The following EPS15 variants were observed in gnomAD, a reference collection of about 807,000 sequenced individuals.
EPS15 encodes the protein epidermal growth factor receptor pathway substrate 15.
In EPS15, 72 loss-of-function variants were observed where a neutral mutation model predicts 113.8. The observed-to-expected ratio is 0.63, with a 90% confidence interval of 0.52 to 0.77. The LOEUF (loss-of-function observed/expected upper bound fraction) is 0.77. Among genes scored for constraint, EPS15 ranks in the 30% least tolerant of loss-of-function variants. EPS15 has a pLI of 0.00. For synonymous variants in EPS15, 344 were observed against 363.4 expected, an observed-to-expected ratio of 0.95 and a Z score of 0.61; for missense variants, 1,048 against 1,045.8, an observed-to-expected ratio of 1.00 and a Z score of -0.03.
intron 2 of EPS15, among the ~76,000 whole-genome samples, chr1:51,475,519 T>A (rs1450935062): frequency 6.6e-6 from 1 of 152,188 alleles, no homozygotes; most frequent in Non-Finnish European, 1.5e-5. Flanking sequence ...TACTTTTTGA[T>A]GGGGTTGTTT....
In EPS15 at chr1:51,407,002, C is replaced by T. The variant is rs114526217; in HGVS notation, c.1474-894G>A. On this transcript the variant is annotated intron_variant, in intron 15 of 24. Coordinates refer to ENST00000371733, the MANE Select transcript of EPS15 (RefSeq NM_001981.3). ...TGCCAGATAACAGGGGGTAAGGAAG[C>T]GCAAAAGTGAAGGACTTCATTATAT... 2.8e-3 allele frequency among the ~76,000 whole-genome samples: 427 copies of T among 152,140 alleles called. 4 individuals are homozygous for T. Among genetic ancestry groups the T allele is most frequent in the African/African-American group, 9.8e-3 (406 of 41,498 alleles).
At chr1:51,518,515 A>T (rs958360286) in intron 1 of EPS15, 1 of 152,804 alleles carries the variant, frequency 6.5e-6, no homozygotes, top group Non-Finnish European at 1.5e-5. Flanking sequence ...TGGGGGTCTG[A>T]CCCAGAAGGA....
intron 2 of EPS15, among the ~76,000 whole-genome samples, chr1:51,473,516 G>C (rs72679110): frequency 0.022 from 3,332 of 152,154 alleles, 31 homozygotes; most frequent in Middle Eastern, 0.034. Flanking sequence ...AAACATATTA[G>C]GGAACATACC....
At chr1:51,374,968 G>A (rs1038970495) in intron 21 of EPS15, among the ~76,000 whole-genome samples, 5 of 146,160 alleles carry the variant, frequency 3.4e-5, no homozygotes, top group African/African-American at 7.6e-5. Context: ...AAGCCACCTC[G>A]CCCAGCCATA....
At chr1:51,472,303 T>C (rs1003953357) in intron 3 of EPS15, among the ~76,000 whole-genome samples, 1 of 152,250 alleles carries the variant, frequency 6.6e-6, no homozygotes, top group African/African-American at 2.4e-5. Flanking sequence ...AGAATGTACA[T>C]ACTATTCTTG....
intron 1 of EPS15, among the ~76,000 whole-genome samples, chr1:51,514,646 A>T (rs1570464370): frequency 6.6e-6 from 1 of 152,286 alleles, no homozygotes; most frequent in East Asian, 1.9e-4. Context: ...ATCTTTTTCT[A>T]TTACACGTTA....
chr1:51,422,200 A>G (rs908753410), intron 12 of EPS15: 2 of 332,200 alleles, frequency 6.0e-6, no homozygotes, highest in Admixed American at 5.4e-5. Context: ...AAAGAAAAGG[A>G]GGGGTTGCAT....
At chr1:51,402,293 G>A (rs1648645341) in intron 18 of EPS15, 142 bp downstream of exon 18, 1 of 485,410 alleles carries the variant, frequency 2.1e-6, no homozygotes, top group African/African-American at 2.0e-5. Context: ...GTTGCAGTGA[G>A]CCGAGATCGT....
chr1:51,440,809 T>C (rs1652540207), intron 11 of EPS15, among the ~76,000 whole-genome samples: 1 of 152,100 alleles, frequency 6.6e-6, no homozygotes, highest in Non-Finnish European at 1.5e-5. Flanking sequence ...GATGGTGATT[T>C]ATTTGTATTT....
At chr1:51,477,062 C>A (rs185759516) in intron 2 of EPS15, among the ~76,000 whole-genome samples, 3 of 152,116 alleles carry the variant, frequency 2.0e-5, no homozygotes, top group East Asian at 3.8e-4. Flanking sequence ...TGGTAGAATT[C>A]GGTTGTGAAT....
intron 1 of EPS15, among the ~76,000 whole-genome samples, chr1:51,486,981 A>G (rs966825033): frequency 6.6e-6 from 1 of 152,170 alleles, no homozygotes; most frequent in Non-Finnish European, 1.5e-5. Context: ...ATAATTTTCA[A>G]TAAGAAAAAA....
intron 1 of EPS15, among the ~76,000 whole-genome samples, chr1:51,517,257 C>T (rs1271177466): frequency 6.6e-6 from 1 of 152,090 alleles, no homozygotes; most frequent in Non-Finnish European, 1.5e-5. Flanking sequence ...AATTAACCAC[C>T]AATGTATATT....
chr1:51,472,776 C>T (rs1570379116), intron 3 of EPS15, 83 bp downstream of exon 3: 4 of 1,005,800 alleles, frequency 4.0e-6, no homozygotes, highest in Non-Finnish European at 6.1e-6. Flanking sequence ...TTCTTGATGG[C>T]ATCTTTCTAA....
intron 1 of EPS15, among the ~76,000 whole-genome samples, chr1:51,485,462 G>A (rs956360157): frequency 6.6e-5 from 10 of 152,050 alleles, no homozygotes; most frequent in African/African-American, 9.7e-5. Flanking sequence ...GCATGATGGC[G>A]CACACCTGTA....
intron 17 of EPS15, 73 bp downstream of exon 17, chr1:51,403,346 T>C (rs1376239821): frequency 5.2e-6 from 4 of 762,446 alleles, no homozygotes; most frequent in South Asian, 1.7e-5. Flanking sequence ...CATTAAGTAA[T>C]GTCTGATAAT....
At chr1:51,358,104 T>C (rs1243873444) in intron 24 of EPS15, among the ~76,000 whole-genome samples, 2 of 152,094 alleles carry the variant, frequency 1.3e-5, no homozygotes, top group Admixed American at 1.3e-4. Flanking sequence ...GCTCAGAAGT[T>C]CAAGAAGTTC....
chr1:51,421,572 C>T (rs1163628012), intron 13 of EPS15, among the ~76,000 whole-genome samples: 4 of 152,226 alleles, frequency 2.6e-5, no homozygotes, highest in Admixed American at 1.3e-4. Flanking sequence ...GAAATCTATG[C>T]TGAAAAATAC....
At chr1:51,466,847 T>C (rs1233981621) in intron 5 of EPS15, among the ~76,000 whole-genome samples, 1 of 151,830 alleles carries the variant, frequency 6.6e-6, no homozygotes, top group Non-Finnish European at 1.5e-5. Flanking sequence ...CTTGGCAACA[T>C]AGCAAGATTC....
intron 1 of EPS15, among the ~76,000 whole-genome samples, chr1:51,484,631 T>C (rs1644086814): frequency 6.6e-6 from 1 of 152,218 alleles, no homozygotes; most frequent in Admixed American, 6.5e-5. Context: ...GTTCTGATTC[T>C]TTACAGATTC....
Sources: allele counts gnomAD v4.1 joint callset (sites outside exome capture counted in the v4.1 genomes callset), GRCh38; gene constraint gnomAD v4.1.1; transcripts MANE v1.5; gene names NCBI Gene and HGNC (gene_info 2026-07-23, HGNC 2026-07-21).